RIMS1: variants seen among roughly 807,000 people sequenced by gnomAD.
RIMS1 encodes regulating synaptic membrane exocytosis protein 1.
A neutral mutation model predicts 214.1 loss-of-function variants in RIMS1; 83 were observed. The observed-to-expected ratio is 0.39, with a 90% CI of 0.32 to 0.47. RIMS1 has a LOEUF of 0.47. Among genes scored for constraint, RIMS1 ranks in the 20% least tolerant of loss-of-function variants. RIMS1 has a pLI of 0.99. For missense variants in RIMS1, 2,050 were observed against 2,161.8 expected (o/e 0.95, Z 1.03); for synonymous variants, 793 against 786.8 (o/e 1.01, Z -0.13).
chr6:72,234,392 A>T (rs2063228519), intron 7 of RIMS1, among the ~76,000 whole-genome samples: 1 of 152,102 alleles, frequency 6.6e-6, no homozygotes. Context: ...TTTTTAAAAA[A>T]TTTAATAGGC....
At chr6:72,260,503 A>G (rs2077493874) in intron 18 of RIMS1, among the ~76,000 whole-genome samples, 1 of 152,138 alleles carries the variant, frequency 6.6e-6, no homozygotes, top group South Asian at 2.1e-4. Flanking sequence ...AGCAACAGCT[A>G]GGACTTCAAC....
At chr6:71,935,486 TA>T (rs1453708932) in intron 1 of RIMS1, among the ~76,000 whole-genome samples, 1 of 152,258 alleles carries the variant, frequency 6.6e-6, no homozygotes, top group Non-Finnish European at 1.5e-5. Context: ...TAAAATCTGT[TA>T]AAAATGTTTT....
At chr6:72,068,928 A>G (rs894439121) in intron 2 of RIMS1, among the ~76,000 whole-genome samples, 3 of 151,254 alleles carry the variant, frequency 2.0e-5, no homozygotes, top group Non-Finnish European at 1.5e-5. Flanking sequence ...AAAAAAATTT[A>G]TGAGGTGCAA....
intron 28 of RIMS1, among the ~76,000 whole-genome samples, chr6:72,328,569 G>A (rs2096560162): frequency 6.6e-6 from 1 of 151,470 alleles, no homozygotes; most frequent in Admixed American, 6.6e-5. Context: ...AAATACCTTG[G>A]GATCTAATAT....
chr6:71,890,074 A>G (rs1769155450), intron 1 of RIMS1, among the ~76,000 whole-genome samples: 1 of 152,242 alleles, frequency 6.6e-6, no homozygotes, highest in South Asian at 2.1e-4. Context: ...TGAAACCAAC[A>G]TTATAAAATA....
intron 2 of RIMS1, among the ~76,000 whole-genome samples, chr6:72,003,231 T>C (rs921346726): frequency 3.9e-5 from 6 of 152,194 alleles, no homozygotes; most frequent in Non-Finnish European, 5.9e-5. Flanking sequence ...TCAGATCTTA[T>C]GGCTCTTTTC....
At chr6:72,269,369 G>A (rs137903778) in intron 22 of RIMS1, among the ~76,000 whole-genome samples, 8 of 152,164 alleles carry the variant, frequency 5.3e-5, no homozygotes, top group African/African-American at 1.9e-4. Context: ...TATTTCCCTA[G>A]CTCCACCTCC....
chr6:72,271,529 T>A (rs1406980984), intron 22 of RIMS1, among the ~76,000 whole-genome samples: 1 of 151,996 alleles, frequency 6.6e-6, no homozygotes, highest in Non-Finnish European at 1.5e-5. Context: ...TTTTAGATAG[T>A]TAAGCTTCTT....
In RIMS1 at chr6:72,083,309, C is replaced by G. The variant is rs115778335; in HGVS notation, c.246-13640C>G. On this transcript the variant is annotated intron_variant, in intron 2 of 33. Transcript: ENST00000521978. ...ATGATAATACTCTTTTTATAAATATCAGATTTTTAGAATCTCCTTTCTTTT... is the reference window on the plus strand; with the variant it reads ...ATGATAATACTCTTTTTATAAATATGAGATTTTTAGAATCTCCTTTCTTTT... 4.0e-3 allele frequency among the ~76,000 whole-genome samples: 615 copies of G among 152,180 alleles called. 1 individual carries two copies. Among genetic ancestry groups the G allele is most frequent in the African/African-American group, 0.014 (564 of 41,524 alleles).
intron 4 of RIMS1, chr6:72,126,761 T>TAA (rs71540329): frequency 2.5e-3 from 305 of 124,480 alleles, no homozygotes; most frequent in Non-Finnish European, 3.4e-3. Flanking sequence ...ATTAAAAAGT[T>TAA]AAAAAAAAAA....
chr6:71,981,316 C>T (rs1162406983), intron 2 of RIMS1, among the ~76,000 whole-genome samples: 1 of 152,098 alleles, frequency 6.6e-6, no homozygotes, highest in Non-Finnish European at 1.5e-5. Flanking sequence ...ATCATTTGCT[C>T]ATGTTCATTT....
At chr6:72,335,642 C>T (rs1016008909) in intron 29 of RIMS1, among the ~76,000 whole-genome samples, 4 of 151,940 alleles carry the variant, frequency 2.6e-5, no homozygotes, top group Non-Finnish European at 5.9e-5. Flanking sequence ...CTTGAGGAAT[C>T]GCCACACTGT....
At chr6:71,926,254 A>C (rs1781536130) in intron 1 of RIMS1, among the ~76,000 whole-genome samples, 1 of 152,122 alleles carries the variant, frequency 6.6e-6, no homozygotes, top group Non-Finnish European at 1.5e-5. Context: ...TTAAAATATC[A>C]CCAAAGATTC....
rs1033789607 is a variant in RIMS1, at chr6:72,402,275, C to A, written c.*1561C>A. Reference sequence around the variant, plus strand: ...TACAGTTTGCTTGTTAATTACTATACCGAAATAACCAAGAAATCTAAGCCA... The same window carrying A: ...TACAGTTTGCTTGTTAATTACTATAACGAAATAACCAAGAAATCTAAGCCA... On this transcript the variant is annotated 3_prime_UTR_variant, in exon 34 of 34. Coordinates refer to ENST00000521978, the MANE Select transcript of RIMS1 (RefSeq NM_014989.7). The A allele has an allele frequency of 2.6e-5, 4 of 152,614 alleles. No homozygotes were observed. Among genetic ancestry groups the A allele is most frequent in the Admixed American group, 2.6e-4 (4 of 15,278 alleles). The allele number at this position is 152,614 out of a possible 1,614,324, so 9.5% of individuals were successfully genotyped here. A position where few individuals can be genotyped will look rare whatever the true frequency, so the allele number is the denominator to read the frequency against.
intron 22 of RIMS1, among the ~76,000 whole-genome samples, chr6:72,272,289 A>G (rs928328901): frequency 2.0e-5 from 3 of 152,178 alleles, no homozygotes; most frequent in African/African-American, 7.2e-5. Flanking sequence ...AGTAGCACCT[A>G]TTATAGAAAG....
intron 29 of RIMS1, among the ~76,000 whole-genome samples, chr6:72,364,888 T>C (rs2154393204): frequency 6.6e-6 from 1 of 152,348 alleles, no homozygotes; most frequent in African/African-American, 2.4e-5. Flanking sequence ...GTCACTGACT[T>C]CTTCAGGCCT....
intron 2 of RIMS1, among the ~76,000 whole-genome samples, chr6:72,012,621 G>T (rs1210315255): frequency 6.6e-6 from 1 of 152,150 alleles, no homozygotes. Flanking sequence ...CTTGATGTAT[G>T]CTGGGACCTA....
intron 28 of RIMS1, among the ~76,000 whole-genome samples, chr6:72,326,565 T>C (rs2096474945): frequency 6.6e-6 from 1 of 151,876 alleles, no homozygotes; most frequent in African/African-American, 2.4e-5. Context: ...TCCACATTAC[T>C]TGTTTGTATT....
chr6:72,282,269 C>T (rs1182629219), intron 23 of RIMS1, among the ~76,000 whole-genome samples: 1 of 152,022 alleles, frequency 6.6e-6, no homozygotes, highest in Admixed American at 6.6e-5. Context: ...TTTCTTCTCC[C>T]CTTACTTCTC....
Sources: allele counts gnomAD v4.1 joint callset (sites outside exome capture counted in the v4.1 genomes callset), GRCh38; gene constraint gnomAD v4.1.1; transcripts MANE v1.5; gene names NCBI Gene and HGNC (gene_info 2026-07-23, HGNC 2026-07-21).